The following BMPER variants were observed in gnomAD, a reference collection of about 807,000 sequenced individuals.
BMPER encodes BMP-binding endothelial regulator protein.
A neutral mutation model predicts 87.3 loss-of-function variants in BMPER; 45 were observed. The ratio of observed to expected loss-of-function variants is 0.52; its 90% CI spans 0.41 to 0.66. BMPER has a LOEUF of 0.66. BMPER is among the 30% of genes least tolerant of loss of function. BMPER has a pLI of 0.00. For missense variants in BMPER, 784 were observed against 867.5 expected (o/e 0.90, Z 1.21); for synonymous variants, 326 against 316.2 (o/e 1.03, Z -0.33).
chr7:33,911,883 A>G (rs1295828800), intron 2 of BMPER, among the ~76,000 whole-genome samples: 1 of 152,252 alleles, frequency 6.6e-6, no homozygotes, highest in East Asian at 1.9e-4. Context: ...CATATGGAAT[A>G]GGATGCAAAA....
chr7:34,033,134 GAGACCTTTTGTCTT>G (rs1787575231), intron 6 of BMPER, among the ~76,000 whole-genome samples: 1 of 152,132 alleles, frequency 6.6e-6, no homozygotes, highest in Non-Finnish European at 1.5e-5. Flanking sequence ...AAGGAGGATG[GAGACCTTTTGTCTT>G]AGAGTTTCAT....
At chr7:33,916,818 A>G (rs1784096179) in intron 2 of BMPER, among the ~76,000 whole-genome samples, 1 of 152,146 alleles carries the variant, frequency 6.6e-6, no homozygotes, top group Admixed American at 6.6e-5. Context: ...TGGGAGTTAG[A>G]CTGGAGTTTC....
chr7:33,934,921 G>A (rs1290544731), intron 2 of BMPER, among the ~76,000 whole-genome samples: 1 of 152,174 alleles, frequency 6.6e-6, no homozygotes, highest in Non-Finnish European at 1.5e-5. Context: ...CTTGGGGTGG[G>A]AGAGTCGGTA....
At chr7:34,129,202 A>G (rs1790482489) in intron 13 of BMPER, among the ~76,000 whole-genome samples, 5 of 152,140 alleles carry the variant, frequency 3.3e-5, no homozygotes, top group Admixed American at 3.3e-4. Flanking sequence ...CTTAAAATCT[A>G]GAAAACCTGC....
At position 33,974,796 on chromosome 7, in the gene BMPER, T is replaced by C; in HGVS notation, c.576+12T>C. Reference sequence around the variant, plus strand: ...AGTGTTCCTGCACTGTAAGTCCTGCTGTGGATGTTCCCAGGGTGTCCTTTG... The same window carrying C: ...AGTGTTCCTGCACTGTAAGTCCTGCCGTGGATGTTCCCAGGGTGTCCTTTG... On this transcript the variant is annotated intron_variant, in intron 6 of 14. Coordinates refer to ENST00000649409, the MANE Select transcript of BMPER (RefSeq NM_001365308.1). 6.2e-7 allele frequency: 1 copy of C among 1,613,044 alleles called. No homozygotes were observed. Among genetic ancestry groups the C allele is most frequent in the Non-Finnish European group, 8.5e-7 (1 of 1,179,032 alleles).
chr7:33,957,689 A>T (rs1228318370), intron 3 of BMPER, among the ~76,000 whole-genome samples: 2 of 152,178 alleles, frequency 1.3e-5, no homozygotes, highest in African/African-American at 4.8e-5. Context: ...GTTATACAAG[A>T]GTTAACACTG....
At chr7:34,031,927 T>C (rs28392572) in intron 6 of BMPER, among the ~76,000 whole-genome samples, 25,592 of 52,760 alleles carry the variant, frequency 0.49, 5,747 homozygotes, top group Admixed American at 0.51. Context: ...TATATATATA[T>C]ACACACACAC....
intron 6 of BMPER, among the ~76,000 whole-genome samples, chr7:34,024,431 A>ATATATATG (rs1787302636): frequency 1.4e-5 from 1 of 70,142 alleles, no homozygotes; most frequent in Non-Finnish European, 2.5e-5. Context: ...ATATATATAT[A>ATATATATG]TATGTTGGGG....
At chr7:33,980,879 T>G (rs960760214) in intron 6 of BMPER, among the ~76,000 whole-genome samples, 32 of 152,194 alleles carry the variant, frequency 2.1e-4, no homozygotes, top group African/African-American at 2.4e-5. Context: ...CATAAACACC[T>G]TTGCTCTCAC....
chr7:34,116,169 G>A (rs192849261), intron 13 of BMPER, among the ~76,000 whole-genome samples: 20 of 152,300 alleles, frequency 1.3e-4, no homozygotes, highest in Non-Finnish European at 2.8e-4. Flanking sequence ...AAATGGGGTC[G>A]AATGTAAACT....
chr7:34,035,082 C>G (rs1438910165), intron 6 of BMPER, among the ~76,000 whole-genome samples: 5 of 152,138 alleles, frequency 3.3e-5, no homozygotes, highest in Non-Finnish European at 5.9e-5. Flanking sequence ...GGGTTGCAGC[C>G]TGTCTCAAAA....
At chr7:34,057,954 TC>T (rs1788327991) in intron 9 of BMPER, 104 bp from the exon 10 acceptor site, 8 of 947,916 alleles carry the variant, frequency 8.4e-6, no homozygotes. Flanking sequence ...ATGGCGTCCC[TC>T]ACTCAGGGCA....
At chr7:34,028,728 G>A (rs909703453) in intron 6 of BMPER, among the ~76,000 whole-genome samples, 5 of 145,032 alleles carry the variant, frequency 3.4e-5, no homozygotes, top group Admixed American at 1.4e-4. Flanking sequence ...TTCCAGATAT[G>A]CACATTGTGT....
Position 34,153,311 on chromosome 7 carries a change from C to T in BMPER, c.*38C>T. 1.2e-6 allele frequency: 2 copies of T among 1,610,796 alleles called. No homozygotes were observed. The highest frequency in any genetic ancestry group is 1.7e-6 in the Non-Finnish European group (2 of 1,177,846). ...TCCTTAAGACTCTGAAATCTGGTGA[C>T]TTTGACACTGAAGCGGAAGAGCCAA... is the stretch of plus-strand genomic sequence containing the variant. On this transcript the variant is annotated 3_prime_UTR_variant, in exon 15 of 15. Transcript: ENST00000649409.
chr7:33,948,843 A>C (rs1036295269), intron 3 of BMPER, among the ~76,000 whole-genome samples: 7 of 152,302 alleles, frequency 4.6e-5, no homozygotes, highest in Admixed American at 3.9e-4. Flanking sequence ...TAATGTGGGA[A>C]TGGACTAATA....
At chr7:33,930,672 T>C (rs1350389857) in intron 2 of BMPER, among the ~76,000 whole-genome samples, 2 of 152,312 alleles carry the variant, frequency 1.3e-5, no homozygotes, top group Admixed American at 1.3e-4. Flanking sequence ...CTGGGTTCAG[T>C]GGCTCACAGC....
Position 34,143,268 on chromosome 7 carries a change from A to T in BMPER, c.1784A>T (p.Lys595Ile). 6.2e-7 allele frequency: 1 copy of T among 1,614,094 alleles called. No homozygotes were observed. The highest frequency in any genetic ancestry group is 2.2e-5 in the East Asian group (1 of 44,880). Residue 595 changes from lysine to isoleucine, a missense_variant, in exon 14 of 15, where the codon AAA (lysine) becomes ATA (isoleucine). Lys to Ile is a moderately radical substitution (Grantham distance 102, BLOSUM62 -3). Coordinates refer to ENST00000649409, the MANE Select transcript of BMPER (RefSeq NM_001365308.1). ...GACATGTGTGAATGTCCAGTCCATAAAAACTGTTATTGCGAGTCATTTTTG... is the reference window on the plus strand; with the variant it reads ...GACATGTGTGAATGTCCAGTCCATATAAACTGTTATTGCGAGTCATTTTTG... ...VTDMCECPVHKNCYCESFLAY... is the reference protein window; with the variant it reads ...VTDMCECPVHINCYCESFLAY...
rs113212770 is a variant in BMPER at position 34,140,079 on chromosome 7, G to A, written c.1746-3151G>A. Among the ~76,000 whole-genome samples the A allele has an allele frequency of 2.3e-3, 356 of 152,220 alleles. 3 individuals carry two copies. Among genetic ancestry groups the A allele is most frequent in the African/African-American group, 8.3e-3 (343 of 41,524 alleles). ...TGAGATCAGAAAAAAACAAGGTGTC[G>A]TCCTAGGTTTGCAGTTCTGGATCTG... On this transcript the variant is annotated intron_variant, in intron 13 of 14. Coordinates refer to ENST00000649409, the MANE Select transcript of BMPER (RefSeq NM_001365308.1).
intron 6 of BMPER, among the ~76,000 whole-genome samples, chr7:33,976,288 G>A (rs138554392): frequency 0.025 from 3,801 of 152,148 alleles, 64 homozygotes; most frequent in Middle Eastern, 0.037. Flanking sequence ...AAGTAGCTGG[G>A]ATTACAGGTG....
Sources: gnomAD v4.1 joint callset for allele counts (sites outside exome capture counted in the v4.1 genomes callset) on GRCh38, gnomAD v4.1.1 for gene constraint, MANE v1.5 for transcripts, NCBI Gene and HGNC (gene_info 2026-07-23, HGNC 2026-07-21) for gene names.